SLC4A4: variants seen among roughly 807,000 people sequenced by gnomAD.
The protein encoded by SLC4A4 is solute carrier family 4 member 4, also known as electrogenic sodium bicarbonate cotransporter 1.
SLC4A4 carries 27 observed loss-of-function variants against 111.5 expected under a neutral mutation model. The ratio of observed to expected loss-of-function variants is 0.24; its 90% CI spans 0.18 to 0.33. SLC4A4 has a LOEUF of 0.33. Among genes scored for constraint, SLC4A4 ranks in the 10% least tolerant of loss-of-function variants. The pLI, the probability that SLC4A4 is intolerant of heterozygous loss-of-function variation, is 1.00. For synonymous variants in SLC4A4, 443 were observed against 463.4 expected (o/e 0.96, Z 0.57); for missense variants, 909 against 1,315.5 (o/e 0.69, Z 4.78).
intron 1 of SLC4A4, among the ~76,000 whole-genome samples, chr4:71,085,603 T>C (rs372218916): frequency 3.9e-5 from 6 of 152,046 alleles, no homozygotes; most frequent in South Asian, 4.1e-4. Flanking sequence ...GGAAGGGATC[T>C]AGTTTCAGCT....
chr4:71,360,282 A>G (rs1185852770), intron 6 of SLC4A4, among the ~76,000 whole-genome samples: 1 of 152,030 alleles, frequency 6.6e-6, no homozygotes, highest in Non-Finnish European at 1.5e-5. Flanking sequence ...ATGGGCTGTT[A>G]TGGTAGTATT....
At chr4:71,306,000 A>G (rs2148847162) in intron 3 of SLC4A4, among the ~76,000 whole-genome samples, 1 of 152,354 alleles carries the variant, frequency 6.6e-6, no homozygotes, top group East Asian at 1.9e-4. Context: ...GCAGTGTCCA[A>G]CACATAGTAG....
At chr4:71,089,218 A>G (rs4694369) in intron 1 of SLC4A4, among the ~76,000 whole-genome samples, 147,646 of 152,080 alleles carry the variant, frequency 0.97, 71,888 homozygotes, top group East Asian at 1. Flanking sequence ...CATTCGTCAC[A>G]TAGTTTTGTG....
At chr4:71,133,115 A>G (rs1268900844) in intron 2 of SLC4A4, among the ~76,000 whole-genome samples, 2 of 152,092 alleles carry the variant, frequency 1.3e-5, no homozygotes, top group East Asian at 1.9e-4. Context: ...TTTTATTGTA[A>G]TTTGGAAATG....
At chr4:71,340,811 T>G (rs1728849304) in intron 4 of SLC4A4, among the ~76,000 whole-genome samples, 2 of 151,560 alleles carry the variant, frequency 1.3e-5, no homozygotes, top group South Asian at 4.2e-4. Flanking sequence ...TATGTAAATA[T>G]AGTATACAAT....
intron 1 of SLC4A4, among the ~76,000 whole-genome samples, chr4:71,233,508 C>A (rs1471858998): frequency 6.6e-6 from 1 of 152,040 alleles, no homozygotes; most frequent in Non-Finnish European, 1.5e-5. Flanking sequence ...GTTGGCATGC[C>A]TCAGCACTTG....
At chr4:71,567,407 T>C (rs947367290) in intron 25 of SLC4A4, among the ~76,000 whole-genome samples, 10 of 151,944 alleles carry the variant, frequency 6.6e-5, no homozygotes, top group Admixed American at 1.3e-4. Context: ...AGTGGTTTCT[T>C]TCCCTCTTAA....
intron 2 of SLC4A4, among the ~76,000 whole-genome samples, chr4:71,115,078 T>C (rs1743208827): frequency 6.8e-6 from 1 of 147,338 alleles, no homozygotes. Context: ...CAGTAAACTA[T>C]CGCAAGAACA....
intron 3 of SLC4A4, among the ~76,000 whole-genome samples, chr4:71,310,816 A>C (rs1726084552): frequency 2.0e-5 from 3 of 152,352 alleles, no homozygotes; most frequent in Middle Eastern, 6.8e-3. Context: ...TGACAAGATC[A>C]AATTCACACA....
intron 3 of SLC4A4, among the ~76,000 whole-genome samples, chr4:71,310,375 A>G (rs1384916203): frequency 6.6e-6 from 1 of 152,138 alleles, no homozygotes; most frequent in Non-Finnish European, 1.5e-5. Flanking sequence ...CCCAAGACAC[A>G]TAATTGTCAG....
chr4:71,241,367 G>A (rs558905120), intron 2 of SLC4A4, among the ~76,000 whole-genome samples: 1 of 152,122 alleles, frequency 6.6e-6, no homozygotes, highest in South Asian at 2.1e-4. Context: ...CTAAAATAAT[G>A]AAATGGTGGC....
At chr4:71,344,783 G>GTAGGC (rs1282517836) in intron 4 of SLC4A4, among the ~76,000 whole-genome samples, 1 of 152,126 alleles carries the variant, frequency 6.6e-6, no homozygotes, top group Non-Finnish European at 1.5e-5. Flanking sequence ...GAGGAAATCT[G>GTAGGC]TAGGCAGAGT....
rs111820726 is a variant in SLC4A4 at position 71,135,585 on chromosome 4, C to T, written c.-2+42793C>T. On this transcript the variant is annotated intron_variant, in intron 2 of 26. Transcript: ENST00000649996. ...TGCTGGGATTACAGGTGTGAGCCACCGTGCCCGGCTCACAATCTACTCTTT... is the reference window on the plus strand; with the variant it reads ...TGCTGGGATTACAGGTGTGAGCCACTGTGCCCGGCTCACAATCTACTCTTT... Among the ~76,000 whole-genome samples the T allele has an allele frequency of 7.1e-3, 1,083 of 152,170 alleles. 20 individuals carry two copies. Among genetic ancestry groups the T allele is most frequent in the African/African-American group, 0.025 (1,030 of 41,520 alleles).
In SLC4A4 at chr4:71,236,733, A is replaced by G; in HGVS notation, c.73+84A>G. On this transcript the variant is annotated intron_variant, in intron 2 of 25. Transcript: ENST00000264485. ...AACATTCATGCATTTCATATATCTT[A>G]CATTTTTAAAATGAAACACCAAACC... is the stretch of plus-strand genomic sequence containing the variant. 3.4e-6 allele frequency: 4 copies of G among 1,166,816 alleles called. No individual in the cohort carries two copies. In the South Asian group the frequency reaches 5.1e-5, roughly 15 times the overall value. The allele number at this position is 1,166,816 out of a possible 1,614,324, so 72.3% of individuals were successfully genotyped here.
chr4:71,513,519 GAT>G (rs1044534622), intron 16 of SLC4A4, among the ~76,000 whole-genome samples: 7 of 152,204 alleles, frequency 4.6e-5, no homozygotes, highest in African/African-American at 1.7e-4. Context: ...AAATCTAAGA[GAT>G]TTTTGATAGA....
chr4:71,317,349 A>T (rs889857898), intron 3 of SLC4A4, among the ~76,000 whole-genome samples: 1 of 152,100 alleles, frequency 6.6e-6, no homozygotes, highest in African/African-American at 2.4e-5. Context: ...CCAAAGTTAG[A>T]ACTGACAAAT....
At chr4:71,064,310 G>C (rs1741460950) in intron 1 of SLC4A4, among the ~76,000 whole-genome samples, 1 of 152,166 alleles carries the variant, frequency 6.6e-6, no homozygotes, top group Non-Finnish European at 1.5e-5. Flanking sequence ...AGATAATGTA[G>C]AAAAGTGCAA....
At chr4:71,244,375 T>G (rs967865834) in intron 2 of SLC4A4, among the ~76,000 whole-genome samples, 1 of 152,190 alleles carries the variant, frequency 6.6e-6, no homozygotes, top group Non-Finnish European at 1.5e-5. Context: ...ACCCATCTTC[T>G]TAGCCACCTA....
intron 18 of SLC4A4, among the ~76,000 whole-genome samples, chr4:71,538,241 A>G (rs991871918): frequency 2.0e-5 from 3 of 152,134 alleles, no homozygotes; most frequent in African/African-American, 7.2e-5. Flanking sequence ...AAAATTCAGA[A>G]TTTAGAATTT....
Sources: gnomAD v4.1 joint callset for allele counts (sites outside exome capture counted in the v4.1 genomes callset) on GRCh38, gnomAD v4.1.1 for gene constraint, MANE v1.5 for transcripts, NCBI Gene and HGNC (gene_info 2026-07-23, HGNC 2026-07-21) for gene names.